The following ESF1 variants were observed in gnomAD, a reference collection of about 807,000 sequenced individuals.
ESF1 encodes the protein ESF1 nucleolar pre-rRNA processing protein, also known as ESF1 homolog.
Under a neutral mutation model 92.0 loss-of-function variants are expected in ESF1, and 58 were observed. That is an observed-to-expected ratio of 0.63 (90% CI 0.51 to 0.78). ESF1 has a LOEUF of 0.78. Ranked by LOEUF, ESF1 falls within the 30% of genes least tolerant of loss-of-function variation. ESF1 has a pLI of 0.00. For missense variants in ESF1, 922 were observed against 989.1 expected, an observed-to-expected ratio of 0.93 and a Z score of 0.91; for synonymous variants, 321 against 313.7, an observed-to-expected ratio of 1.02 and a Z score of -0.24.
chr20:13,756,109 G>A (rs186066734), intron 9 of ESF1, among the ~76,000 whole-genome samples: 79 of 152,208 alleles, frequency 5.2e-4, no homozygotes, highest in Admixed American at 3.0e-3. Flanking sequence ...TGAAATACAC[G>A]TCATGAAAGT....
At chr20:13,733,105 T>TTTTTTTTTTTTTTTTTTTTTTTTTG (rs1568712522) in intron 10 of ESF1, among the ~76,000 whole-genome samples, 1 of 151,972 alleles carries the variant, frequency 6.6e-6, no homozygotes, top group African/African-American at 2.4e-5. Context: ...TTTGCATTTT[T>TTTTTTTTTTTTTTTTTTTTTTTTTG]AGTAGAGGCA....
At chr20:13,748,497 CATATATACACATATATAT>C (rs1978398908) in intron 9 of ESF1, among the ~76,000 whole-genome samples, 1 of 138,904 alleles carries the variant, frequency 7.2e-6, no homozygotes, top group African/African-American at 2.7e-5. Flanking sequence ...CATATATATA[CATATATACACATATATAT>C]ACACATATAT....
intron 9 of ESF1, among the ~76,000 whole-genome samples, chr20:13,744,520 G>A (rs1465381755): frequency 6.6e-6 from 1 of 152,174 alleles, no homozygotes; most frequent in East Asian, 1.9e-4. Context: ...TCCACCCAGA[G>A]ATGTAGAAAA....
chr20:13,769,778 T>A (rs1414881215), intron 7 of ESF1, 129 bp downstream of exon 7: 20 of 694,314 alleles, frequency 2.9e-5, no homozygotes, highest in Non-Finnish European at 9.9e-6. Flanking sequence ...AGAGCGAGAC[T>A]CTGTCTCAAG....
At chr20:13,783,767 C>A (rs530544175) in intron 1 of ESF1, among the ~76,000 whole-genome samples, 1 of 152,142 alleles carries the variant, frequency 6.6e-6, no homozygotes, top group East Asian at 1.9e-4. Context: ...GTGAGCCTAA[C>A]GGCACTACAG....
intron 11 of ESF1, among the ~76,000 whole-genome samples, chr20:13,723,300 G>A (rs13039364): frequency 0.17 from 25,390 of 151,600 alleles, 2,749 homozygotes; most frequent in Non-Finnish European, 0.24. Flanking sequence ...CCCATAATCA[G>A]ATGCAGTCTG....
At chr20:13,742,505 C>T (rs188227860) in intron 9 of ESF1, among the ~76,000 whole-genome samples, 65 of 151,986 alleles carry the variant, frequency 4.3e-4, no homozygotes, top group African/African-American at 1.2e-3. Flanking sequence ...ATTCATATAC[C>T]TTATGACTCA....
intron 9 of ESF1, among the ~76,000 whole-genome samples, chr20:13,743,524 T>C (rs2050028796): frequency 7.0e-6 from 1 of 143,292 alleles, no homozygotes; most frequent in Admixed American, 7.3e-5. Context: ...GTGGTACATA[T>C]ATACAACAAA....
At chr20:13,751,579 G>C (rs1978638209) in intron 9 of ESF1, among the ~76,000 whole-genome samples, 1 of 152,112 alleles carries the variant, frequency 6.6e-6, no homozygotes, top group Non-Finnish European at 1.5e-5. Context: ...GATGTGGGGG[G>C]GAACCAGATC....
chr20:13,716,686 G>A, intron 13 of ESF1, among the ~76,000 whole-genome samples: 1 of 148,774 alleles, frequency 6.7e-6, no homozygotes. Flanking sequence ...TGTTGCCCAG[G>A]CTGGAGTGCA....
chr20:13,731,270 T>C (rs150212470), intron 10 of ESF1, among the ~76,000 whole-genome samples: 15 of 152,180 alleles, frequency 9.9e-5, no homozygotes, highest in African/African-American at 3.6e-4. Context: ...ATTTCATTTA[T>C]AAGATATTTT....
At chr20:13,724,251 C>T (rs751704344) in intron 11 of ESF1, among the ~76,000 whole-genome samples, 12 of 152,066 alleles carry the variant, frequency 7.9e-5, no homozygotes, top group South Asian at 2.1e-4. Context: ...GCAGATACTA[C>T]GCCACTGCAC....
chr20:13,739,126 C>T (rs1245007589), intron 9 of ESF1, among the ~76,000 whole-genome samples: 2 of 152,130 alleles, frequency 1.3e-5, no homozygotes, highest in Non-Finnish European at 2.9e-5. Context: ...TCTATATCTT[C>T]CAAAACATTC....
At chr20:13,772,347 T>G (rs544478672) in intron 5 of ESF1, among the ~76,000 whole-genome samples, 168 bp downstream of exon 5, 1 of 152,280 alleles carries the variant, frequency 6.6e-6, no homozygotes, top group South Asian at 2.1e-4. Flanking sequence ...AAAAATCTTC[T>G]TGGAATAATG....
chr20:13,747,282 T>A, intron 9 of ESF1, among the ~76,000 whole-genome samples: 1 of 147,252 alleles, frequency 6.8e-6, no homozygotes. Flanking sequence ...AAAACAGGGC[T>A]GGGCATGGTG....
chr20:13,783,889 T>C (rs1412925354), intron 1 of ESF1, among the ~76,000 whole-genome samples: 1 of 152,258 alleles, frequency 6.6e-6, no homozygotes, highest in Non-Finnish European at 1.5e-5. Context: ...GGTCTCATTC[T>C]GCTTACTCCT....
chr20:13,775,432 G>A (rs1979886555), intron 3 of ESF1, among the ~76,000 whole-genome samples, 162 bp from the exon 4 acceptor site: 1 of 152,174 alleles, frequency 6.6e-6, no homozygotes, highest in Admixed American at 6.5e-5. Context: ...AACTTCAAAT[G>A]AGCCAAACAA....
chr20:13,728,715 A>C (rs1260747224), intron 10 of ESF1, among the ~76,000 whole-genome samples: 1 of 150,622 alleles, frequency 6.6e-6, no homozygotes, highest in Admixed American at 6.6e-5. Flanking sequence ...AAATACAAAA[A>C]AATTCGCTGG....
At position 13,772,680 on chromosome 20, in the gene ESF1, C is replaced by T. The variant is rs1016901398; in HGVS notation, c.1150-65G>A. On this transcript the variant is annotated intron_variant, in intron 4 of 13. Transcript: ENST00000617257. Reference sequence around the variant, plus strand: ...CCTTTACACAAATATCTAGACCTGTCGAAGTCAGGAACTCTAAAAGTCACA... The same window carrying T: ...CCTTTACACAAATATCTAGACCTGTTGAAGTCAGGAACTCTAAAAGTCACA... The T allele has an allele frequency of 1.6e-5, 19 of 1,177,096 alleles. No homozygotes were observed. In the South Asian group the frequency reaches 1.6e-4, roughly 10 times the overall value. 72.9% of individuals were successfully genotyped at this position (1,177,096 alleles called of 1,614,324 possible).
Sources: gnomAD v4.1 joint callset for allele counts (sites outside exome capture counted in the v4.1 genomes callset) on GRCh38, gnomAD v4.1.1 for gene constraint, MANE v1.5 for transcripts, NCBI Gene and HGNC (gene_info 2026-07-23, HGNC 2026-07-21) for gene names.